Variants in WDR72 observed in about 807,000 individuals in gnomAD.
WDR72 encodes the protein WD repeat-containing protein 72.
Under a neutral mutation model 124.2 loss-of-function variants are expected in WDR72, and 120 were observed. The ratio of observed to expected loss-of-function variants is 0.97; its 90% CI spans 0.83 to 1.12. The LOEUF (loss-of-function observed/expected upper bound fraction) is 1.12, where lower values mean the gene tolerates loss of function less well. Among genes scored for constraint, WDR72 ranks in the 50% most tolerant of loss-of-function variants. The probability of loss-of-function intolerance (pLI) is 0.00; values close to 1 mark genes in which losing one functional copy is unlikely to be tolerated. For missense variants in WDR72, 1,387 were observed against 1,278.8 expected (o/e 1.08, Z -1.29); for synonymous variants, 452 against 441.7 (o/e 1.02, Z -0.29).
At position 53,690,547 on chromosome 15, in the gene WDR72, T is replaced by C. The variant is rs544076770; in HGVS notation, c.1765+9203A>G. Among the ~76,000 whole-genome samples the C allele has an allele frequency of 3.3e-5, 5 of 152,364 alleles. No individual in the cohort carries two copies. The South Asian group carries it at 8.3e-4, about 25-fold the overall frequency. On this transcript the variant is annotated intron_variant, in intron 13 of 19. Coordinates refer to ENST00000360509, the MANE Select transcript of WDR72 (RefSeq NM_182758.4). ...AAAGAATCATACAATATGTGCATTT[T>C]TGTGTATGTCTGACTTCTTTCACTT...
At chr15:53,742,708 G>C (rs530563619) in intron 1 of WDR72, among the ~76,000 whole-genome samples, 34 of 152,230 alleles carry the variant, frequency 2.2e-4, no homozygotes, top group African/African-American at 8.2e-4. Flanking sequence ...CTATATTATA[G>C]AGGTCAAATG....
rs140332940 is a variant in WDR72 at position 53,546,799 on chromosome 15, A to G, written c.3149-23477T>C. On this transcript the variant is annotated intron_variant, in intron 18 of 19. Transcript: ENST00000360509. ...CACAAATACACAAAATCAAAAATGA[A>G]AGGGGAAGGAAAATGACTATCAGTA... Among the ~76,000 whole-genome samples the G allele has an allele frequency of 3.1e-3, 476 of 152,346 alleles. 3 individuals are homozygous for G. The highest frequency in any genetic ancestry group is 0.016 in the South Asian group (79 of 4,830).
chr15:53,708,154 T>C (rs1056984338), intron 9 of WDR72, among the ~76,000 whole-genome samples: 21 of 152,152 alleles, frequency 1.4e-4, no homozygotes, highest in African/African-American at 4.1e-4. Flanking sequence ...TCCCTTACCA[T>C]GTGAATTCCG....
Position 53,532,071 on chromosome 15 carries a change from T to C in WDR72, c.3149-8749A>G, listed in dbSNP as rs374828597. Among the ~76,000 whole-genome samples, 82 of 152,174 alleles carry C rather than the reference T, an allele frequency of 5.4e-4. 1 individual carries two copies. The South Asian group carries it at 0.016, about 30-fold the overall frequency. The stretch of plus-strand genomic sequence containing the variant: ...TGTAATACACTAATCGTTAGAGAAA[T>C]GCAAATTAAACTACAATGAGACATC... On this transcript the variant is annotated intron_variant, in intron 18 of 19. Transcript: ENST00000360509.
Position 53,702,505 on chromosome 15 carries a change from A to T in WDR72, c.1349-151T>A. Reference sequence around the variant, plus strand: ...GAAAACTAGTGAACATCCTTAGATCATCTTGAAAAACAAGTGCCTCACCAG... The same window carrying T: ...GAAAACTAGTGAACATCCTTAGATCTTCTTGAAAAACAAGTGCCTCACCAG... On this transcript the variant is annotated intron_variant, in intron 11 of 19. Coordinates refer to ENST00000360509, the MANE Select transcript of WDR72 (RefSeq NM_182758.4). 4.5e-6 allele frequency: 3 copies of T among 660,356 alleles called. No homozygotes were observed. The South Asian group carries it at 6.0e-5, about 13-fold the overall frequency. 40.9% of individuals were successfully genotyped at this position (660,356 alleles called of 1,614,324 possible). A position where few individuals can be genotyped will look rare whatever the true frequency, so the allele number is the denominator to read the frequency against.
chr15:53,718,122 TATGC>T (rs2017765366), intron 3 of WDR72, among the ~76,000 whole-genome samples: 1 of 152,222 alleles, frequency 6.6e-6, no homozygotes, highest in African/African-American at 2.4e-5. Flanking sequence ...TGACTCTAGC[TATGC>T]ATCAACAACC....
intron 14 of WDR72, among the ~76,000 whole-genome samples, chr15:53,617,510 T>A (rs1445526858): frequency 6.6e-6 from 1 of 151,624 alleles, no homozygotes; most frequent in African/African-American, 2.4e-5. Context: ...TTACAAATTA[T>A]AAATGGTAAA....
chr15:53,525,245 T>A (rs142195745), intron 18 of WDR72, among the ~76,000 whole-genome samples: 33 of 152,116 alleles, frequency 2.2e-4, no homozygotes, highest in African/African-American at 8.0e-4. Flanking sequence ...TTGGTCAAGA[T>A]TTCCTGGCCT....
intron 14 of WDR72, among the ~76,000 whole-genome samples, chr15:53,626,089 G>A (rs957053054): frequency 6.6e-5 from 10 of 152,120 alleles, no homozygotes; most frequent in African/African-American, 1.4e-4. Context: ...TACTGTTACC[G>A]GGGGTCCTTG....
At chr15:53,596,858 A>G (rs962696523) in intron 18 of WDR72, among the ~76,000 whole-genome samples, 3 of 152,192 alleles carry the variant, frequency 2.0e-5, no homozygotes, top group Non-Finnish European at 4.4e-5. Flanking sequence ...TCCTCAAGTT[A>G]TGGTGGTGTT....
chr15:53,525,589 T>C (rs1474118253), intron 18 of WDR72, among the ~76,000 whole-genome samples: 1 of 152,042 alleles, frequency 6.6e-6, no homozygotes, highest in East Asian at 1.9e-4. Flanking sequence ...GCAACCATTC[T>C]TTGTGGCAAT....
At chr15:53,673,089 C>A (rs1265582553) in intron 13 of WDR72, among the ~76,000 whole-genome samples, 1 of 151,974 alleles carries the variant, frequency 6.6e-6, no homozygotes, top group East Asian at 1.9e-4. Flanking sequence ...CCACCGCACT[C>A]CAGCCAGCCT....
intron 4 of WDR72, among the ~76,000 whole-genome samples, chr15:53,716,352 T>C (rs961724582): frequency 1.6e-4 from 24 of 152,152 alleles, no homozygotes; most frequent in African/African-American, 5.5e-4. Context: ...AGGCAATATA[T>C]GGAAATTGTC....
At chr15:53,714,318 A>T in intron 6 of WDR72, 116 bp downstream of exon 6, 2 of 841,764 alleles carry the variant, frequency 2.4e-6, no homozygotes, top group Non-Finnish European at 2.0e-6. Flanking sequence ...TAGAATTTAT[A>T]CACTTCTATG....
chr15:53,761,307 A>T (rs987278223), upstream of WDR72, among the ~76,000 whole-genome samples: 6 of 152,206 alleles, frequency 3.9e-5, no homozygotes, highest in Admixed American at 2.6e-4. Flanking sequence ...TATCCAAAAG[A>T]CAGGCAATAA....
intron 12 of WDR72, among the ~76,000 whole-genome samples, chr15:53,701,051 T>A (rs2017158286): frequency 6.6e-6 from 1 of 152,228 alleles, no homozygotes; most frequent in South Asian, 2.1e-4. Flanking sequence ...CATGTCCTTT[T>A]ACTACAGAGG....
chr15:53,597,177 G>T lies in WDR72; in HGVS notation c.3050C>A (p.Ala1017Glu). The part of the protein sequence containing the change: ...IPVNSQPVSM[A>E]ENGNCEMKQM... ...CTTCATCTCACAGTTACCATTCTCTGCCATGGACACTGGTTGACTATTGAC... is the reference window on the plus strand; with the variant it reads ...CTTCATCTCACAGTTACCATTCTCTTCCATGGACACTGGTTGACTATTGAC... The change falls in exon 18 of 20, where the codon GCA becomes GAA. Residue 1017 changes from alanine (A) to glutamate (E), a missense_variant. Ala to Glu is a moderately radical substitution (Grantham distance 107). Coordinates refer to ENST00000360509, the MANE Select transcript of WDR72 (RefSeq NM_182758.4). The T allele has an allele frequency of 6.2e-7, 1 of 1,613,846 alleles. No individual in the cohort carries two copies. Among genetic ancestry groups the T allele is most frequent in the Non-Finnish European group, 8.5e-7 (1 of 1,179,856 alleles).
rs528960257 is a variant in WDR72 at position 53,689,607 on chromosome 15, C to T, written c.1765+10143G>A. ...ATGTGGAGAAATAGGAACACTTTTA[C>T]ACTGTTGGTAGGACTGTAAACTAGT... is the stretch of plus-strand genomic sequence containing the variant. On this transcript the variant is annotated intron_variant, in intron 13 of 19. Transcript: ENST00000360509. 2.0e-5 allele frequency among the ~76,000 whole-genome samples: 3 copies of T among 146,728 alleles called. No individual in the cohort carries two copies. The East Asian group carries it at 6.2e-4, about 30-fold the overall frequency.
At chr15:53,722,545 G>A (rs1311106467) in intron 3 of WDR72, among the ~76,000 whole-genome samples, 1 of 152,152 alleles carries the variant, frequency 6.6e-6, no homozygotes, top group African/African-American at 2.4e-5. Flanking sequence ...AGTGCTACAA[G>A]TTCTGATACA....
Sources: allele counts gnomAD v4.1 joint callset (sites outside exome capture counted in the v4.1 genomes callset), GRCh38; gene constraint gnomAD v4.1.1; transcripts MANE v1.5; gene names NCBI Gene and HGNC (gene_info 2026-07-23, HGNC 2026-07-21).